Variants in NLRP5 observed in about 807,000 individuals in gnomAD.
The protein encoded by NLRP5 is NACHT, LRR and PYD domains-containing protein 5.
In NLRP5, 93 loss-of-function variants were observed where a neutral mutation model predicts 113.1. The ratio of observed to expected loss-of-function variants is 0.82; its 90% CI spans 0.70 to 0.98. NLRP5 has a LOEUF of 0.98. Ranked by LOEUF, NLRP5 falls within the 50% of genes least tolerant of loss-of-function variation. The pLI is 0.00. For missense variants in NLRP5, 1,808 were observed against 1,514.3 expected (o/e 1.19, Z -3.22); for synonymous variants, 751 against 600.7 (o/e 1.25, Z -3.66).
chr19:56,041,318 C>T (rs1039547123), intron 11 of NLRP5, among the ~76,000 whole-genome samples: 5 of 152,072 alleles, frequency 3.3e-5, no homozygotes, highest in Non-Finnish European at 7.4e-5. Context: ...CAAGGACAGT[C>T]AGTTCTCATA....
chr19:56,059,411 G>C (rs1425634223), intron 14 of NLRP5, among the ~76,000 whole-genome samples: 1 of 152,210 alleles, frequency 6.6e-6, no homozygotes, highest in African/African-American at 2.4e-5. Flanking sequence ...ACTAACAGGA[G>C]TTCAGAGACT....
At chr19:56,005,107 A>ATATAT (rs1555763764) in intron 2 of NLRP5, among the ~76,000 whole-genome samples, 1 of 95,344 alleles carries the variant, frequency 1.0e-5, no homozygotes, top group East Asian at 2.3e-4. Flanking sequence ...AAAAAAAAAA[A>ATATAT]ATATATATAT....
At chr19:56,010,591 AG>A (rs1440844633) in intron 3 of NLRP5, among the ~76,000 whole-genome samples, 1 of 122,810 alleles carries the variant, frequency 8.1e-6, no homozygotes, top group South Asian at 2.5e-4. Flanking sequence ...CTAAAAATAC[AG>A]GAAAAAAAAA....
chr19:56,022,765 T>C (rs1009755993), intron 6 of NLRP5, among the ~76,000 whole-genome samples: 2 of 152,112 alleles, frequency 1.3e-5, no homozygotes. Flanking sequence ...GCTCTTGTTG[T>C]CCAGGCTGGA....
At position 56,049,046 on chromosome 19, in the gene NLRP5, A is replaced by G. The variant is rs540922764; in HGVS notation, c.2958-1372A>G. ...ACCCAGGCTGGAGTGCAGTGGTGCA[A>G]TCTCGGCTCACTGCAACCTCCGCCT... is the stretch of plus-strand genomic sequence containing the variant. On this transcript the variant is annotated intron_variant, in intron 11 of 14. Transcript: ENST00000390649. Among the ~76,000 whole-genome samples the G allele has an allele frequency of 1.6e-4, 23 of 140,846 alleles. No individual in the cohort carries two copies. The South Asian group carries it at 5.1e-3, about 31-fold the overall frequency. The allele number at this position is 140,846 out of a possible 152,430, so 92.4% of individuals were successfully genotyped here.
chr19:56,030,837 C>T (rs899740937), intron 7 of NLRP5, among the ~76,000 whole-genome samples: 2 of 150,038 alleles, frequency 1.3e-5, no homozygotes, highest in Non-Finnish European at 3.0e-5. Flanking sequence ...GCTTCGGCCT[C>T]CCTAGTAGCT....
chr19:56,005,400 CAT>C lies in NLRP5; in HGVS notation c.442+1309_442+1310del, dbSNP rs200977589. Among the ~76,000 whole-genome samples, 71 of 147,852 alleles carry C rather than the reference CAT, an allele frequency of 4.8e-4. No homozygotes were observed. In the East Asian group the frequency reaches 5.7e-3, roughly 12 times the overall value. ...ATATTTATATATACATATACACACA[CAT>C]ATACACATATATTTTTATATATACA... is the stretch of plus-strand genomic sequence containing the variant. On this transcript the variant is annotated intron_variant, in intron 2 of 14. Coordinates refer to ENST00000390649, the MANE Select transcript of NLRP5 (RefSeq NM_153447.4).
chr19:55,999,844 GAC>G (rs1302360073), intron 1 of NLRP5: 1 of 1,326,422 alleles, frequency 7.5e-7, no homozygotes, highest in Non-Finnish European at 1.1e-6. Flanking sequence ...TTGGTACCAT[GAC>G]ACACGGATCG....
intron 13 of NLRP5, among the ~76,000 whole-genome samples, chr19:56,057,747 C>T (rs111344654): frequency 2.7e-3 from 404 of 152,204 alleles, no homozygotes; most frequent in Non-Finnish European, 4.4e-3. Flanking sequence ...AATATTTGGC[C>T]GGGTGCAGTG....
chr19:56,048,078 T>A (rs1983794031), intron 11 of NLRP5, among the ~76,000 whole-genome samples: 1 of 152,214 alleles, frequency 6.6e-6, no homozygotes, highest in Non-Finnish European at 1.5e-5. Context: ...ATGAAATGCC[T>A]TTTTGTACCC....
intron 11 of NLRP5, 24 bp from the exon 12 acceptor site, chr19:56,050,394 C>G (rs960539289): frequency 2.5e-6 from 4 of 1,609,222 alleles, no homozygotes; most frequent in Non-Finnish European, 3.4e-6. Flanking sequence ...TCACGATCTT[C>G]TTTCCCATGT....
At chr19:56,046,412 G>A (rs1325320201) in intron 11 of NLRP5, among the ~76,000 whole-genome samples, 2 of 150,678 alleles carry the variant, frequency 1.3e-5, no homozygotes, top group Non-Finnish European at 1.5e-5. Context: ...GTGTGTGTGT[G>A]TGTGTGTGTG....
intron 1 of NLRP5, among the ~76,000 whole-genome samples, chr19:56,001,164 T>A (rs1981630951): frequency 6.6e-6 from 1 of 150,982 alleles, no homozygotes; most frequent in South Asian, 2.1e-4. Flanking sequence ...CTCTACTTTT[T>A]TTTTTTTTTT....
In NLRP5 at chr19:56,027,112, G is replaced by A. The variant is rs1351524574; in HGVS notation, c.879G>A (p.Ser293=). 7.6e-6 allele frequency: 12 copies of A among 1,582,400 alleles called. No individual in the cohort carries two copies. Among genetic ancestry groups the A allele is most frequent in the Non-Finnish European group, 1.0e-5 (12 of 1,164,246 alleles). Residue 293 remains serine, a synonymous_variant, in exon 7 of 15, where the codon TCG becomes TCA. Coordinates refer to ENST00000390649, the MANE Select transcript of NLRP5 (RefSeq NM_153447.4). ...ACGGAAAGTCAGGAATTGGGAAATC[G>A]GCTCTAGCCAGAAGGATCGTGCTGT...
the NLRP5 span, among the ~76,000 whole-genome samples, chr19:55,992,880 G>A: frequency 8.2e-3 from 1,243 of 151,146 alleles, 23 homozygotes; most frequent in African/African-American, 0.029. Context: ...ATGAATTTTC[G>A]CTCTTGTTGC....
rs1370170070 is a variant in NLRP5 at position 56,007,896 on chromosome 19, CGCGCGTGCGTGTGT to C, written c.443-890_443-877del. On this transcript the variant is annotated intron_variant, in intron 2 of 14. Coordinates refer to ENST00000390649, the MANE Select transcript of NLRP5 (RefSeq NM_153447.4). The stretch of plus-strand genomic sequence containing the variant: ...GTGTGTGTGTGTGTGTGTGCGCGTG[CGCGCGTGCGTGTGT>C]GTGTGTGTGTGTGTGTGTGTGTGTT... 3.0e-4 allele frequency among the ~76,000 whole-genome samples: 29 copies of C among 97,898 alleles called. 2 individuals are homozygous for C. Among genetic ancestry groups the C allele is most frequent in the African/African-American group, 1.0e-3 (29 of 28,010 alleles). The allele number at this position is 97,898 out of a possible 152,430, so 64.2% of individuals were successfully genotyped here. A position where few individuals can be genotyped will look rare whatever the true frequency, so the allele number is the denominator to read the frequency against.
intron 10 of NLRP5, among the ~76,000 whole-genome samples, chr19:56,039,076 G>A (rs1271536506): frequency 3.9e-5 from 6 of 152,184 alleles, no homozygotes; most frequent in African/African-American, 2.4e-5. Flanking sequence ...CAAGCACAGC[G>A]CTAAAATCCC....
At chr19:56,047,545 CT>C (rs1983774758) in intron 11 of NLRP5, among the ~76,000 whole-genome samples, 1 of 152,032 alleles carries the variant, frequency 6.6e-6, no homozygotes, top group South Asian at 2.1e-4. Flanking sequence ...TTGAAGGTTC[CT>C]TTTGGAGTTG....
intron 10 of NLRP5, among the ~76,000 whole-genome samples, chr19:56,038,656 AAGG>A (rs1396786983): frequency 6.6e-6 from 1 of 151,962 alleles, no homozygotes; most frequent in Non-Finnish European, 1.5e-5. Flanking sequence ...GAGGCTCAAA[AAGG>A]AGGAGGGTCA....
Sources: allele counts gnomAD v4.1 joint callset (sites outside exome capture counted in the v4.1 genomes callset), GRCh38; gene constraint gnomAD v4.1.1; transcripts MANE v1.5; gene names NCBI Gene and HGNC (gene_info 2026-07-23, HGNC 2026-07-21).